Variants in ATP1A4 observed in about 807,000 individuals in gnomAD.
The protein encoded by ATP1A4 is sodium/potassium-transporting ATPase subunit alpha-4.
A neutral mutation model predicts 114.3 loss-of-function variants in ATP1A4; 90 were observed. That is an observed-to-expected ratio of 0.79 (90% CI 0.66 to 0.94). The LOEUF (loss-of-function observed/expected upper bound fraction) is 0.94. Ranked by LOEUF, ATP1A4 falls within the 40% of genes least tolerant of loss-of-function variation. ATP1A4 has a pLI of 0.00. For synonymous variants in ATP1A4, 511 were observed against 494.1 expected, an observed-to-expected ratio of 1.03 and a Z score of -0.45; for missense variants, 1,222 against 1,313.6, an observed-to-expected ratio of 0.93 and a Z score of 1.08.
At chr1:160,171,783 C>A in intron 12 of ATP1A4, 26 bp downstream of exon 12, 1 of 1,604,778 alleles carries the variant, frequency 6.2e-7, no homozygotes, top group South Asian at 1.1e-5. Flanking sequence ...GACCAGGAGC[C>A]CCTCACCTGT....
chr1:160,167,104 C>T, intron 9 of ATP1A4, 27 bp downstream of exon 9: 1 of 1,607,846 alleles, frequency 6.2e-7, no homozygotes, highest in Non-Finnish European at 8.5e-7. Flanking sequence ...GAAGAGGGTA[C>T]CTCAGTGTCC....
chr1:160,174,522 A>G, intron 14 of ATP1A4, 57 bp from the exon 15 acceptor site: 3 of 1,581,864 alleles, frequency 1.9e-6, no homozygotes, highest in Non-Finnish European at 2.6e-6. Context: ...GATCTTTGGG[A>G]CTAGTTCTGG....
At chr1:160,152,357 G>C (rs1652488855) in intron 1 of ATP1A4, among the ~76,000 whole-genome samples, 170 bp downstream of exon 1, 2 of 151,804 alleles carry the variant, frequency 1.3e-5, no homozygotes, top group South Asian at 4.1e-4. Context: ...TACACACAGA[G>C]AGACAGGGCA....
At chr1:160,179,322 C>T (rs1653598579) in intron 18 of ATP1A4, among the ~76,000 whole-genome samples, 1 of 152,188 alleles carries the variant, frequency 6.6e-6, no homozygotes, top group African/African-American at 2.4e-5. Context: ...AGCTCAAGCC[C>T]TTGTTTTCCA....
At position 160,151,728 on chromosome 1, in the gene ATP1A4, A is replaced by T; in HGVS notation, c.-313A>T. The stretch of plus-strand genomic sequence containing the variant: ...ACCTCTTGTTTCCTGCCCTCACTGC[A>T]TTCCCTCACCTCTACCTTTTTATCC... On this transcript the variant is annotated 5_prime_UTR_variant, in exon 1 of 22. Coordinates refer to ENST00000368081, the MANE Select transcript of ATP1A4 (RefSeq NM_144699.4). 3.9e-5 allele frequency: 9 copies of T among 231,566 alleles called. No individual in the cohort carries two copies. The highest frequency in any genetic ancestry group is 1.6e-4 in the East Asian group (2 of 12,256). 14.3% of individuals were successfully genotyped at this position (231,566 alleles called of 1,614,324 possible).
At chr1:160,154,379 A>T (rs970478699) in intron 2 of ATP1A4, among the ~76,000 whole-genome samples, 18 of 152,162 alleles carry the variant, frequency 1.2e-4, no homozygotes, top group Non-Finnish European at 2.1e-4. Context: ...TCTCAAAAAA[A>T]AAAATGGATA....
Position 160,186,363 on chromosome 1 carries a change from G to A in ATP1A4, c.3057G>A (p.Pro1019=), listed in dbSNP as rs751113128. The A allele has an allele frequency of 2.6e-5, 42 of 1,611,654 alleles. No individual in the cohort carries two copies. Among genetic ancestry groups the A allele is most frequent in the Middle Eastern group, 1.6e-4 (1 of 6,062 alleles). ...EIRKLLIRQH[P]DGWVERETYY is the part of the protein sequence containing the mutation. ...GAAAACTCCTCATCCGTCAGCACCC[G>A]GATGGTGAGGCTCCCCTGGGCCCCG... Residue 1019 remains proline, a synonymous_variant, in exon 21 of 22, where the codon CCG becomes CCA. Transcript: ENST00000368081.
intron 20 of ATP1A4, chr1:160,182,586 T>A (rs910977029): frequency 6.5e-6 from 1 of 153,464 alleles, no homozygotes; most frequent in African/African-American, 2.4e-5. Context: ...TCCATTCCAC[T>A]CCCATCCCCA....
At position 160,153,236 on chromosome 1, in the gene ATP1A4, G is replaced by T. The variant is rs747104950; in HGVS notation, c.207+12G>T. The T allele has an allele frequency of 9.3e-6, 15 of 1,611,982 alleles. No individual in the cohort carries two copies. Among genetic ancestry groups the T allele is most frequent in the Non-Finnish European group, 1.2e-5 (14 of 1,178,524 alleles). ...TGGACCTGACAAAGGTGAGTAAGAAGCTCCCTGAGGAGGCAGAGAGTCTCC... is the reference window on the plus strand; with the variant it reads ...TGGACCTGACAAAGGTGAGTAAGAATCTCCCTGAGGAGGCAGAGAGTCTCC... On this transcript the variant is annotated intron_variant, in intron 2 of 21. Coordinates refer to ENST00000368081, the MANE Select transcript of ATP1A4 (RefSeq NM_144699.4).
chr1:160,171,941 C>T (rs1445395745), intron 12 of ATP1A4, among the ~76,000 whole-genome samples, 184 bp downstream of exon 12: 3 of 152,182 alleles, frequency 2.0e-5, no homozygotes, highest in Non-Finnish European at 2.9e-5. Context: ...TTGCATTGAA[C>T]ATTAGAATCA....
chr1:160,151,959 G>A lies in ATP1A4; in HGVS notation c.-82G>A, dbSNP rs140784515. 2.3e-3 allele frequency: 3,402 copies of A among 1,506,182 alleles called. 156 individuals are homozygous for A. In the Admixed American group the frequency reaches 0.064, roughly 28 times the overall value. 93.3% of individuals were successfully genotyped at this position (1,506,182 alleles called of 1,614,324 possible). A position where few individuals can be genotyped will look rare whatever the true frequency, so the allele number is the denominator to read the frequency against. On this transcript the variant is annotated 5_prime_UTR_variant, in exon 1 of 22. Coordinates refer to ENST00000368081, the MANE Select transcript of ATP1A4 (RefSeq NM_144699.4). ...CTCTTCTCGTGGCCCCCTTGCCCGC[G>A]CGCCCTCTTCCCTTCCCCTTGCCTC...
At chr1:160,166,166 A>C (rs1289324763) in intron 7 of ATP1A4, among the ~76,000 whole-genome samples, 1 of 152,202 alleles carries the variant, frequency 6.6e-6, no homozygotes, top group Non-Finnish European at 1.5e-5. Flanking sequence ...GCTACTCGGG[A>C]GCCTGAGGCA....
intron 10 of ATP1A4, among the ~76,000 whole-genome samples, chr1:160,168,737 G>A (rs1653132809): frequency 6.6e-6 from 1 of 152,136 alleles, no homozygotes; most frequent in African/African-American, 2.4e-5. Flanking sequence ...TGAAAACTGA[G>A]CAAGTAAGGG....
rs1281339581 is a variant in ATP1A4 at position 160,173,698 on chromosome 1, A to G, written c.1972A>G (p.Ile658Val). The change falls in exon 13 of 22, where the codon ATC (isoleucine) becomes GTC (valine). Residue 658 changes from isoleucine (I) to valine (V), a missense_variant. By Grantham distance (29) the Ile-to-Val change is conservative (BLOSUM62 3). Transcript: ENST00000368081. ...AGTCGCTGCCCGGCTTAAGATCCCT[A>G]TCAGCAAGGTCGATGCCAGGTGAGA... ...EEVAARLKIP[I>V]SKVDASAAKA... 7 of 1,614,208 alleles carry G rather than the reference A, an allele frequency of 4.3e-6. No individual in the cohort carries two copies. The highest frequency in any genetic ancestry group is 2.2e-5 in the East Asian group (1 of 44,884).
chr1:160,159,173 C>A (rs201061605), intron 5 of ATP1A4, 37 bp downstream of exon 5: 2 of 1,601,702 alleles, frequency 1.2e-6, no homozygotes, highest in Non-Finnish European at 1.7e-6. Flanking sequence ...GGGACCCAAG[C>A]GTGATCTCAT....
chr1:160,171,448 G>A lies in ATP1A4; in HGVS notation c.1681+8G>A, dbSNP rs1653254103. On this transcript the variant is annotated splice_region_variant and intron_variant, in intron 11 of 21. Transcript: ENST00000368081. ...TGGGGGAACGTGTGCTAGGTGAGGA[G>A]CTTTGGGAGAAGTTTTTAAAAGAAT... 1 of 1,611,560 alleles carries A rather than the reference G, an allele frequency of 6.2e-7. No homozygotes were observed. Among genetic ancestry groups the A allele is most frequent in the African/African-American group, 1.3e-5 (1 of 74,898 alleles).
chr1:160,171,580 T>C lies in ATP1A4; in HGVS notation c.1682-5T>C. ...CTACTGGTCCCTCCCTCTGTCTCTC[T>C]CCAGGCTTCTGCTTCTTGAATCTGC... On this transcript the variant is annotated splice_region_variant and splice_polypyrimidine_tract_variant and intron_variant, in intron 11 of 21. Transcript: ENST00000368081. 6.2e-7 allele frequency: 1 copy of C among 1,613,232 alleles called. No individual in the cohort carries two copies. Among genetic ancestry groups the C allele is most frequent in the Non-Finnish European group, 8.5e-7 (1 of 1,179,488 alleles).
intron 9 of ATP1A4, 93 bp from the exon 10 acceptor site, chr1:160,167,185 T>G: frequency 2.6e-6 from 3 of 1,140,794 alleles, no homozygotes; most frequent in Non-Finnish European, 3.8e-6. Context: ...GTACCCGCCC[T>G]CCCCATTTGT....
At chr1:160,175,954 G>C in intron 15 of ATP1A4, 138 bp from the exon 16 acceptor site, 1 of 795,632 alleles carries the variant, frequency 1.3e-6, no homozygotes, top group East Asian at 2.4e-5. Flanking sequence ...AACAATACTG[G>C]GACCCTGGAG....
Sources: gnomAD v4.1 joint callset for allele counts (sites outside exome capture counted in the v4.1 genomes callset) on GRCh38, gnomAD v4.1.1 for gene constraint, MANE v1.5 for transcripts, NCBI Gene and HGNC (gene_info 2026-07-23, HGNC 2026-07-21) for gene names.